Variants in SUGCT observed in about 807,000 individuals in gnomAD.
SUGCT encodes succinyl-CoA:glutarate CoA-transferase.
Under a neutral mutation model 55.0 loss-of-function variants are expected in SUGCT, and 41 were observed. The ratio of observed to expected loss-of-function variants is 0.74; its 90% CI spans 0.58 to 0.97. The LOEUF (loss-of-function observed/expected upper bound fraction) is 0.97. SUGCT is among the 50% of genes least tolerant of loss of function. The probability of loss-of-function intolerance (pLI) is 0.00; values close to 1 mark genes in which losing one functional copy is unlikely to be tolerated. For synonymous variants in SUGCT, 187 were observed against 200.4 expected (o/e 0.93, Z 0.56); for missense variants, 568 against 547.8 (o/e 1.04, Z -0.37).
chr7:40,166,028 A>G (rs1784409287), intron 1 of SUGCT, among the ~76,000 whole-genome samples: 2 of 152,232 alleles, frequency 1.3e-5, no homozygotes, highest in Non-Finnish European at 2.9e-5. Context: ...AGGCTGAGGC[A>G]GGAGAATCAC....
chr7:40,688,913 T>A (rs552563311), intron 12 of SUGCT, among the ~76,000 whole-genome samples: 52 of 152,292 alleles, frequency 3.4e-4, no homozygotes, highest in African/African-American at 1.2e-3. Flanking sequence ...AGAGTACAGA[T>A]TCTAAATCTT....
At chr7:40,967,036 A>T in the SUGCT span, 1 of 152,224 alleles carries the variant, frequency 6.6e-6, no homozygotes, top group South Asian at 2.1e-4. Flanking sequence ...GATGCTTACC[A>T]TCATGGAACC....
chr7:40,366,113 A>G (rs1783944213), intron 9 of SUGCT, among the ~76,000 whole-genome samples: 1 of 152,184 alleles, frequency 6.6e-6, no homozygotes, highest in African/African-American at 2.4e-5. Flanking sequence ...AACGCCACAT[A>G]TCTACAACTA....
chr7:40,498,717 T>C (rs940833371), intron 12 of SUGCT, among the ~76,000 whole-genome samples: 1 of 152,222 alleles, frequency 6.6e-6, no homozygotes, highest in Non-Finnish European at 1.5e-5. Flanking sequence ...AGCACAAGGA[T>C]TGCAGGATGG....
chr7:40,306,843 G>A (rs952782077), intron 8 of SUGCT, among the ~76,000 whole-genome samples: 1 of 152,094 alleles, frequency 6.6e-6, no homozygotes, highest in Non-Finnish European at 1.5e-5. Context: ...AAATATGTTT[G>A]ATGTATTATT....
chr7:40,887,681 C>T, the SUGCT span, among the ~76,000 whole-genome samples: 28 of 152,186 alleles, frequency 1.8e-4, no homozygotes, highest in East Asian at 3.5e-3. Flanking sequence ...TTATCCAAGA[C>T]CTTTCAATGC....
At chr7:40,169,732 G>C (rs1407351011) in intron 1 of SUGCT, among the ~76,000 whole-genome samples, 7 of 151,998 alleles carry the variant, frequency 4.6e-5, no homozygotes, top group Non-Finnish European at 1.0e-4. Flanking sequence ...CCACAACTAA[G>C]TGGTGGCCTT....
intron 8 of SUGCT, among the ~76,000 whole-genome samples, chr7:40,301,783 G>C (rs186741228): frequency 1.3e-5 from 2 of 152,334 alleles, no homozygotes; most frequent in African/African-American, 4.8e-5. Flanking sequence ...AGAATGATCA[G>C]ATGTAGGGAG....
At position 40,588,545 on chromosome 7, in the gene SUGCT, G is replaced by A. The variant is rs17171741; in HGVS notation, c.1089+92159G>A. 5.9e-3 allele frequency among the ~76,000 whole-genome samples: 898 copies of A among 152,188 alleles called. 7 individuals carry two copies. Among genetic ancestry groups the A allele is most frequent in the Non-Finnish European group, 0.01 (713 of 68,008 alleles). On this transcript the variant is annotated intron_variant, in intron 12 of 13. Transcript: ENST00000335693. ...ACTTTCCCATGGTCACATTTCTAAC[G>A]ATTAGAGTTTTAGGTTTCAAGAGTG...
At chr7:40,837,726 G>A (rs1177276253) in intron 13 of SUGCT, among the ~76,000 whole-genome samples, 2 of 152,052 alleles carry the variant, frequency 1.3e-5, no homozygotes, top group Non-Finnish European at 2.9e-5. Context: ...CGATTCTCAT[G>A]CCTCCTCCTC....
intron 12 of SUGCT, among the ~76,000 whole-genome samples, chr7:40,637,402 G>A (rs1800066580): frequency 6.6e-6 from 1 of 152,240 alleles, no homozygotes; most frequent in African/African-American, 2.4e-5. Flanking sequence ...TCAAGGAGAG[G>A]TATGGCTGAG....
chr7:40,978,597 G>A, the SUGCT span, among the ~76,000 whole-genome samples: 1 of 152,222 alleles, frequency 6.6e-6, no homozygotes, highest in Admixed American at 6.5e-5. Flanking sequence ...TGACCAGACT[G>A]CTGAGAAAGA....
At chr7:40,930,116 A>T in the SUGCT span, among the ~76,000 whole-genome samples, 1 of 152,092 alleles carries the variant, frequency 6.6e-6, no homozygotes, top group Non-Finnish European at 1.5e-5. Flanking sequence ...AAAGAAGGGT[A>T]CCAGTTTCAG....
chr7:40,339,553 G>A (rs1474022951), intron 9 of SUGCT, among the ~76,000 whole-genome samples: 1 of 152,174 alleles, frequency 6.6e-6, no homozygotes, highest in African/African-American at 2.4e-5. Context: ...GCCAGGTGTG[G>A]GATATAATCT....
intron 12 of SUGCT, among the ~76,000 whole-genome samples, chr7:40,601,620 A>G (rs1437723430): frequency 2.0e-5 from 3 of 152,178 alleles, no homozygotes; most frequent in African/African-American, 7.2e-5. Flanking sequence ...GCTCTGCATG[A>G]GAAAGCCTAA....
the SUGCT span, among the ~76,000 whole-genome samples, chr7:41,027,781 G>A: frequency 1.3e-5 from 2 of 152,062 alleles, no homozygotes; most frequent in Non-Finnish European, 2.9e-5. Flanking sequence ...TTTAATGATC[G>A]TCTAAAGACC....
chr7:41,019,303 A>T, the SUGCT span, among the ~76,000 whole-genome samples: 3 of 152,126 alleles, frequency 2.0e-5, no homozygotes, highest in African/African-American at 7.2e-5. Context: ...ATGCACACCG[A>T]TTTACATGTC....
At chr7:40,404,625 C>T (rs1786261188) in intron 9 of SUGCT, among the ~76,000 whole-genome samples, 1 of 152,040 alleles carries the variant, frequency 6.6e-6, no homozygotes, top group South Asian at 2.1e-4. Context: ...TTAGTAGAGA[C>T]AGGGTTTTAC....
chr7:40,416,112 A>G (rs543163945), intron 9 of SUGCT, among the ~76,000 whole-genome samples: 3 of 152,096 alleles, frequency 2.0e-5, no homozygotes, highest in East Asian at 1.9e-4. Flanking sequence ...TTGCCTATGT[A>G]CTTGTTCAAA....
Sources: gnomAD v4.1 joint callset for allele counts (sites outside exome capture counted in the v4.1 genomes callset) on GRCh38, gnomAD v4.1.1 for gene constraint, MANE v1.5 for transcripts, NCBI Gene and HGNC (gene_info 2026-07-23, HGNC 2026-07-21) for gene names.